Variants in STMN2 observed in about 807,000 individuals in gnomAD.
The protein encoded by STMN2 is stathmin 2.
In STMN2, 2 loss-of-function variants were observed where a neutral mutation model predicts 24.1. That is an observed-to-expected ratio of 0.08 (90% CI 0.03 to 0.26). The LOEUF is 0.26. Among genes scored for constraint, STMN2 ranks in the 10% least tolerant of loss-of-function variants. The probability of loss-of-function intolerance (pLI) is 1.00; values close to 1 mark genes in which losing one functional copy is unlikely to be tolerated. For missense variants in STMN2, 114 were observed against 213.6 expected (o/e 0.53, Z 2.91); for synonymous variants, 83 against 77.5 (o/e 1.07, Z -0.37).
At chr8:79,643,478 T>G (rs1810155152) in intron 3 of STMN2, among the ~76,000 whole-genome samples, 1 of 152,044 alleles carries the variant, frequency 6.6e-6, no homozygotes, top group Non-Finnish European at 1.5e-5. Context: ...TAGGTCGACA[T>G]ATATTGAGAT....
chr8:79,640,647 G>A lies in STMN2; in HGVS notation c.116-731G>A, dbSNP rs1017288428. Among the ~76,000 whole-genome samples, 3 of 152,192 alleles carry A rather than the reference G, an allele frequency of 2.0e-5. No homozygotes were observed. The South Asian group carries it at 6.2e-4, about 32-fold the overall frequency. On this transcript the variant is annotated intron_variant, in intron 2 of 4. Coordinates refer to ENST00000220876, the MANE Select transcript of STMN2 (RefSeq NM_007029.4). ...GGGTGTTGTCTTATTGCCCCCATTA[G>A]ACTGTAAGCATCTTGAAGACAAGGA...
chr8:79,645,427 G>A (rs1198291958), intron 3 of STMN2, among the ~76,000 whole-genome samples: 1 of 152,006 alleles, frequency 6.6e-6, no homozygotes, highest in Non-Finnish European at 1.5e-5. Context: ...TATTCCTAGT[G>A]CCTAGTAGCC....
At chr8:79,634,996 A>T (rs1477291428) in intron 1 of STMN2, among the ~76,000 whole-genome samples, 5 of 152,154 alleles carry the variant, frequency 3.3e-5, no homozygotes, top group Non-Finnish European at 7.4e-5. Context: ...TGCACAGTAT[A>T]CCCATCATTT....
At chr8:79,613,420 G>A (rs538048349) in intron 1 of STMN2, 10 of 985,460 alleles carry the variant, frequency 1.0e-5, no homozygotes, top group South Asian at 9.4e-5. Flanking sequence ...TGCAGCCGGG[G>A]AGACCGGTTT....
intron 1 of STMN2, chr8:79,613,673 C>T: frequency 1.0e-6 from 1 of 985,424 alleles, no homozygotes; most frequent in Non-Finnish European, 1.2e-6. Context: ...TCAAAAGGGA[C>T]GTGGATTGCT....
chr8:79,620,852 T>C, intron 1 of STMN2: 1 of 420,188 alleles, frequency 2.4e-6, no homozygotes, highest in Non-Finnish European at 3.2e-6. Context: ...CCAGAGGTTC[T>C]CACTCTATTA....
At chr8:79,639,718 GTA>G (rs1418073560) in intron 2 of STMN2, among the ~76,000 whole-genome samples, 1 of 152,016 alleles carries the variant, frequency 6.6e-6, no homozygotes, top group Non-Finnish European at 1.5e-5. Context: ...GACAAAAATT[GTA>G]TATGTTTGCG....
At chr8:79,622,837 T>TCA (rs970765082) in intron 1 of STMN2, among the ~76,000 whole-genome samples, 1 of 152,004 alleles carries the variant, frequency 6.6e-6, no homozygotes, top group African/African-American at 2.4e-5. Context: ...AAGAATTATA[T>TCA]CACACACACA....
chr8:79,624,214 G>T (rs1809588341), intron 1 of STMN2, among the ~76,000 whole-genome samples: 1 of 152,010 alleles, frequency 6.6e-6, no homozygotes, highest in Non-Finnish European at 1.5e-5. Flanking sequence ...CAGCACTTTG[G>T]GTGGCCGAGG....
At chr8:79,633,267 C>T (rs1809858482) in intron 1 of STMN2, among the ~76,000 whole-genome samples, 3 of 152,152 alleles carry the variant, frequency 2.0e-5, no homozygotes, top group Admixed American at 6.5e-5. Context: ...AGCAACTCAT[C>T]AATGAGAATC....
At chr8:79,623,426 A>G (rs886568864) in intron 1 of STMN2, among the ~76,000 whole-genome samples, 1 of 152,238 alleles carries the variant, frequency 6.6e-6, no homozygotes, top group Non-Finnish European at 1.5e-5. Flanking sequence ...ATACCAAAAC[A>G]TTTTAAGCAT....
chr8:79,655,508 G>T (rs1231550796), intron 4 of STMN2, among the ~76,000 whole-genome samples: 2 of 151,916 alleles, frequency 1.3e-5, no homozygotes, highest in African/African-American at 4.8e-5. Context: ...AAATATATTT[G>T]CCAGAAAAGG....
chr8:79,634,371 C>T (rs971637806), intron 1 of STMN2, among the ~76,000 whole-genome samples: 20 of 152,268 alleles, frequency 1.3e-4, no homozygotes, highest in African/African-American at 3.4e-4. Context: ...ATTCCAAAGG[C>T]GTTCAACAAA....
chr8:79,622,910 T>C (rs1306506454), intron 1 of STMN2, among the ~76,000 whole-genome samples: 2 of 152,102 alleles, frequency 1.3e-5, no homozygotes, highest in Non-Finnish European at 2.9e-5. Flanking sequence ...ATCTTATCAA[T>C]CCATCAGTTT....
chr8:79,624,475 A>AAAAAAAAG (rs1809604532), intron 1 of STMN2, among the ~76,000 whole-genome samples: 1 of 140,106 alleles, frequency 7.1e-6, no homozygotes, highest in Non-Finnish European at 1.5e-5. Context: ...AAAAAAAAAA[A>AAAAAAAAG]AAAGAAAGAA....
intron 3 of STMN2, among the ~76,000 whole-genome samples, chr8:79,647,412 C>T (rs757630169): frequency 2.0e-5 from 3 of 152,150 alleles, no homozygotes; most frequent in Non-Finnish European, 4.4e-5. Context: ...ACCCTTAATA[C>T]CTTGAAGGCC....
At chr8:79,617,098 C>T (rs1809398828) in intron 1 of STMN2, among the ~76,000 whole-genome samples, 1 of 151,944 alleles carries the variant, frequency 6.6e-6, no homozygotes, top group South Asian at 2.1e-4. Context: ...AGTATTTCTT[C>T]CTGAATACCA....
chr8:79,650,355 G>A (rs529190497), intron 3 of STMN2, among the ~76,000 whole-genome samples: 1 of 152,270 alleles, frequency 6.6e-6, no homozygotes, highest in Non-Finnish European at 1.5e-5. Context: ...TATAAAGTAA[G>A]AATACCTATT....
intron 2 of STMN2, among the ~76,000 whole-genome samples, chr8:79,638,588 T>G (rs4531096): frequency 0.79 from 120,352 of 152,162 alleles, 48,687 homozygotes; most frequent in East Asian, 0.97. Context: ...ATTATAACAA[T>G]AAATTATTAT....
Sources: gnomAD v4.1 joint callset for allele counts (sites outside exome capture counted in the v4.1 genomes callset) on GRCh38, gnomAD v4.1.1 for gene constraint, MANE v1.5 for transcripts, NCBI Gene and HGNC (gene_info 2026-07-23, HGNC 2026-07-21) for gene names.